The following CSMD1 variants were observed in gnomAD, a reference collection of about 807,000 sequenced individuals.
CSMD1 encodes CUB and Sushi multiple domains 1, also known as CUB and sushi domain-containing protein 1.
A neutral mutation model predicts 417.5 loss-of-function variants in CSMD1; 213 were observed. The observed-to-expected ratio is 0.51, with a 90% CI of 0.46 to 0.57. The LOEUF (loss-of-function observed/expected upper bound fraction) is 0.57, where lower values mean the gene tolerates loss of function less well. Ranked by LOEUF, CSMD1 falls within the 20% of genes least tolerant of loss-of-function variation. The pLI, the probability that CSMD1 is intolerant of heterozygous loss-of-function variation, is 0.00. For missense variants in CSMD1, 6,923 were observed against 4,529.7 expected, an observed-to-expected ratio of 1.53 and a Z score of -15.17; for synonymous variants, 2,862 against 1,736.8, an observed-to-expected ratio of 1.65 and a Z score of -16.11.
chr8:3,878,017 T>C (rs1035071002), intron 5 of CSMD1, among the ~76,000 whole-genome samples: 4 of 152,108 alleles, frequency 2.6e-5, no homozygotes, highest in African/African-American at 9.7e-5. Context: ...TTTCCAAAGA[T>C]AAAATGATTT....
chr8:4,970,917 T>A lies in CSMD1; in HGVS notation c.85+23415A>T, dbSNP rs150803864. Among the ~76,000 whole-genome samples, 50 of 152,212 alleles carry A rather than the reference T, an allele frequency of 3.3e-4. 1 individual carries two copies. In the East Asian group the frequency reaches 9.6e-3, roughly 29 times the overall value. ...CGAAGTGCTTTTTATGTAATAAAGG[T>A]TGGAGTTACCTTACAATTCCTTGTT... On this transcript the variant is annotated intron_variant, in intron 1 of 69. Transcript: ENST00000635120.
chr8:4,652,914 G>A (rs1804000286), intron 1 of CSMD1, among the ~76,000 whole-genome samples: 1 of 151,384 alleles, frequency 6.6e-6, no homozygotes, highest in South Asian at 2.1e-4. Context: ...GATGTGGTGG[G>A]GTGGAGTTCA....
chr8:4,238,479 T>A (rs1802199846), intron 3 of CSMD1, among the ~76,000 whole-genome samples: 1 of 152,078 alleles, frequency 6.6e-6, no homozygotes. Context: ...TGCCTTAGGG[T>A]AAGGAGGCAC....
intron 3 of CSMD1, among the ~76,000 whole-genome samples, chr8:4,259,740 C>T (rs1803739120): frequency 6.6e-6 from 1 of 151,938 alleles, no homozygotes; most frequent in Non-Finnish European, 1.5e-5. Flanking sequence ...TACACATACA[C>T]ATGTATTTCA....
intron 6 of CSMD1, among the ~76,000 whole-genome samples, chr8:3,746,119 A>G (rs373461644): frequency 9.2e-5 from 14 of 152,374 alleles, no homozygotes; most frequent in African/African-American, 2.4e-4. Flanking sequence ...TTGGCCAACG[A>G]TATTGCCTGC....
intron 7 of CSMD1, among the ~76,000 whole-genome samples, chr8:3,629,002 A>G (rs1796636268): frequency 6.6e-6 from 1 of 152,144 alleles, no homozygotes; most frequent in African/African-American, 2.4e-5. Flanking sequence ...GGGAAAGAAA[A>G]AGATAAAATA....
chr8:4,667,792 C>A (rs1015361676), intron 1 of CSMD1, among the ~76,000 whole-genome samples: 3 of 152,134 alleles, frequency 2.0e-5, no homozygotes, highest in African/African-American at 7.2e-5. Context: ...TAGACTACGT[C>A]CTTTGTGAAT....
intron 10 of CSMD1, among the ~76,000 whole-genome samples, chr8:3,531,432 G>C (rs569586137): frequency 6.6e-6 from 1 of 152,034 alleles, no homozygotes; most frequent in Non-Finnish European, 1.5e-5. Flanking sequence ...TTCTATATGT[G>C]ATAAACATCA....
intron 10 of CSMD1, among the ~76,000 whole-genome samples, chr8:3,548,694 A>ACACACG (rs1296623158): frequency 4.0e-5 from 6 of 149,844 alleles, no homozygotes; most frequent in Non-Finnish European, 6.0e-5. Context: ...ACACACACAC[A>ACACACG]CACACACCAT....
At chr8:4,379,878 G>A (rs1802992424) in intron 3 of CSMD1, among the ~76,000 whole-genome samples, 1 of 152,204 alleles carries the variant, frequency 6.6e-6, no homozygotes, top group Non-Finnish European at 1.5e-5. Context: ...ATGCTGGCAT[G>A]CTGATGGAAG....
chr8:4,737,667 T>A (rs190454023), intron 1 of CSMD1, among the ~76,000 whole-genome samples: 1 of 152,166 alleles, frequency 6.6e-6, no homozygotes, highest in Non-Finnish European at 1.5e-5. Context: ...AAGAGACAGG[T>A]TGGATGAATG....
At chr8:3,263,119 CAG>C (rs1423073562) in intron 26 of CSMD1, among the ~76,000 whole-genome samples, 1 of 151,912 alleles carries the variant, frequency 6.6e-6, no homozygotes, top group Non-Finnish European at 1.5e-5. Context: ...TATTTTTTTT[CAG>C]AGAGTTTCAC....
At chr8:3,903,359 G>A (rs1807892211) in intron 5 of CSMD1, among the ~76,000 whole-genome samples, 1 of 151,816 alleles carries the variant, frequency 6.6e-6, no homozygotes, top group Admixed American at 6.6e-5. Context: ...AACCTACAGG[G>A]TTCAACAAAA....
At chr8:4,259,219 C>T (rs192621301) in intron 3 of CSMD1, among the ~76,000 whole-genome samples, 3 of 152,296 alleles carry the variant, frequency 2.0e-5, no homozygotes, top group Non-Finnish European at 4.4e-5. Context: ...GCTTTCAAAT[C>T]GCAGAGAGAA....
intron 3 of CSMD1, among the ~76,000 whole-genome samples, chr8:4,268,744 A>T (rs1329758069): frequency 2.7e-5 from 4 of 150,694 alleles, no homozygotes; most frequent in Non-Finnish European, 5.9e-5. Flanking sequence ...TAATTCTATT[A>T]AATTGCTAAA....
At chr8:4,767,600 C>T (rs773707224) in intron 1 of CSMD1, among the ~76,000 whole-genome samples, 4 of 152,122 alleles carry the variant, frequency 2.6e-5, no homozygotes, top group African/African-American at 9.7e-5. Context: ...CACAGTCCTC[C>T]CTAGGACCTG....
At chr8:3,442,804 T>C (rs952095795) in intron 12 of CSMD1, among the ~76,000 whole-genome samples, 3 of 152,162 alleles carry the variant, frequency 2.0e-5, no homozygotes, top group African/African-American at 7.2e-5. Flanking sequence ...TTTGTGTCTA[T>C]ATTTATGAGA....
At chr8:3,851,512 C>T (rs1177134351) in intron 5 of CSMD1, among the ~76,000 whole-genome samples, 2 of 152,268 alleles carry the variant, frequency 1.3e-5, no homozygotes, top group East Asian at 1.9e-4. Context: ...CTTTTTGGCT[C>T]TGTTTGATCA....
chr8:3,179,452 T>C (rs1040251787), intron 37 of CSMD1, among the ~76,000 whole-genome samples: 2 of 152,222 alleles, frequency 1.3e-5, no homozygotes, highest in Non-Finnish European at 2.9e-5. Context: ...TTCTCAAAGT[T>C]CATCTGAATG....
Sources: allele counts gnomAD v4.1 joint callset (sites outside exome capture counted in the v4.1 genomes callset), GRCh38; gene constraint gnomAD v4.1.1; transcripts MANE v1.5; gene names NCBI Gene and HGNC (gene_info 2026-07-23, HGNC 2026-07-21).